Variants in TENM3 observed in about 807,000 individuals in gnomAD.
TENM3 encodes the protein teneurin transmembrane protein 3.
In TENM3, 63 loss-of-function variants were observed where a neutral mutation model predicts 255.1. That is an observed-to-expected ratio of 0.25 (90% CI 0.20 to 0.30). The LOEUF (loss-of-function observed/expected upper bound fraction) is 0.30. Ranked by LOEUF, TENM3 falls within the 10% of genes least tolerant of loss-of-function variation. TENM3 has a pLI of 1.00. For synonymous variants in TENM3, 1,306 were observed against 1,322.3 expected (o/e 0.99, Z 0.27); for missense variants, 2,929 against 3,461.1 (o/e 0.85, Z 3.86).
the TENM3 span, among the ~76,000 whole-genome samples, chr4:181,834,456 C>A: frequency 6.6e-6 from 1 of 152,224 alleles, no homozygotes; most frequent in Non-Finnish European, 1.5e-5. Context: ...GGGAGCTGGG[C>A]TGCAGGAAGG....
intron 3 of TENM3, among the ~76,000 whole-genome samples, chr4:182,485,390 A>G (rs1734598497): frequency 6.6e-6 from 1 of 152,182 alleles, no homozygotes; most frequent in African/African-American, 2.4e-5. Flanking sequence ...ACTCCAAAAC[A>G]AAGGATATTA....
chr4:182,192,804 G>A (rs1240139884), intron 1 of TENM3, among the ~76,000 whole-genome samples: 1 of 152,168 alleles, frequency 6.6e-6, no homozygotes, highest in Non-Finnish European at 1.5e-5. Flanking sequence ...TGTGAGTTAA[G>A]CACAGTTAAG....
chr4:181,690,168 G>T, the TENM3 span, among the ~76,000 whole-genome samples: 1 of 152,148 alleles, frequency 6.6e-6, no homozygotes, highest in South Asian at 2.1e-4. Flanking sequence ...GGACTGATGT[G>T]TCAGTCATTC....
At chr4:182,469,713 C>CA (rs397964405) in intron 3 of TENM3, among the ~76,000 whole-genome samples, 26,309 of 104,654 alleles carry the variant, frequency 0.25, 2,708 homozygotes, top group Middle Eastern at 0.4. Context: ...GACTCTGTCT[C>CA]AAAAAAAAAA....
chr4:181,706,157 G>A, the TENM3 span, among the ~76,000 whole-genome samples: 869 of 152,186 alleles, frequency 5.7e-3, 7 homozygotes, highest in African/African-American at 0.02. Flanking sequence ...AGATGCTGTT[G>A]TCTCCCTGTG....
At chr4:182,741,855 G>A (rs1761631484) in intron 18 of TENM3, among the ~76,000 whole-genome samples, 1 of 152,186 alleles carries the variant, frequency 6.6e-6, no homozygotes. Context: ...CACCTAAAAT[G>A]TGCTGAGTTA....
the TENM3 span, among the ~76,000 whole-genome samples, chr4:181,849,656 T>A: frequency 6.6e-6 from 1 of 152,178 alleles, no homozygotes; most frequent in Non-Finnish European, 1.5e-5. Context: ...GATGGTGTCA[T>A]CCTTCAAGTT....
chr4:182,601,007 T>C lies in TENM3; in HGVS notation c.595T>C (p.Ser199Pro). 1 of 1,536,686 alleles carries C rather than the reference T, an allele frequency of 6.5e-7. No homozygotes were observed. The highest frequency in any genetic ancestry group is 8.8e-7 in the Non-Finnish European group (1 of 1,133,216). The change falls in exon 4 of 28, where the codon TCC (serine) becomes CCC (proline). Residue 199 changes from serine (S) to proline (P), a missense_variant. Transcript: ENST00000511685. ...HKQHSAQHHP[S>P]ITSLNRNSLT... ...GCAGCACTCTGCACAGCATCATCCA[T>C]CCATCACTTCTCTCAACAGAAACTC...
At chr4:182,753,261 T>C (rs992990803) in intron 20 of TENM3, among the ~76,000 whole-genome samples, 189 bp from the exon 21 acceptor site, 2 of 152,204 alleles carry the variant, frequency 1.3e-5, no homozygotes, top group African/African-American at 4.8e-5. Flanking sequence ...TTACTGAATT[T>C]TTAATTTATT....
In TENM3 at chr4:182,325,762, A is replaced by T. The variant is rs573694842; in HGVS notation, c.232+1510A>T. 3.7e-4 allele frequency among the ~76,000 whole-genome samples: 57 copies of T among 152,270 alleles called. No homozygotes were observed. In the East Asian group the frequency reaches 5.8e-3, roughly 16 times the overall value. Reference sequence around the variant, plus strand: ...AAAACGAAAAAAAAATAAAAAAATTAAAAAAACCCAAACTCCACATTGTGG... The same window carrying T: ...AAAACGAAAAAAAAATAAAAAAATTTAAAAAACCCAAACTCCACATTGTGG... On this transcript the variant is annotated intron_variant, in intron 2 of 27. Transcript: ENST00000511685.
At chr4:182,431,497 A>G (rs1416104701) in intron 3 of TENM3, among the ~76,000 whole-genome samples, 1 of 152,094 alleles carries the variant, frequency 6.6e-6, no homozygotes. Context: ...CTCTCAATAC[A>G]AAGAAAAGAA....
the TENM3 span, among the ~76,000 whole-genome samples, chr4:181,662,010 C>T: frequency 6.2e-4 from 94 of 152,114 alleles, no homozygotes; most frequent in Admixed American, 7.2e-4. Flanking sequence ...CAAAATTCTT[C>T]ATGTAGTAAC....
chr4:182,519,348 G>T lies in TENM3; in HGVS notation c.512-81576G>T, dbSNP rs534381356. ...ATGTGTGTGGTTCATTTATATCTCT[G>T]TTGGAAAGAGAAGAATTTGAAAAAC... On this transcript the variant is annotated intron_variant, in intron 3 of 27. Coordinates refer to ENST00000511685, the MANE Select transcript of TENM3 (RefSeq NM_001080477.4). Among the ~76,000 whole-genome samples the T allele has an allele frequency of 1.7e-3, 264 of 152,252 alleles. 2 individuals are homozygous for T. Among genetic ancestry groups the T allele is most frequent in the African/African-American group, 5.3e-3 (222 of 41,548 alleles).
chr4:181,829,029 G>T, the TENM3 span, among the ~76,000 whole-genome samples: 1 of 152,196 alleles, frequency 6.6e-6, no homozygotes, highest in African/African-American at 2.4e-5. Flanking sequence ...TGGACCCGTT[G>T]CACTGCTCTC....
the TENM3 span, among the ~76,000 whole-genome samples, chr4:181,709,144 C>T: frequency 6.6e-6 from 1 of 152,130 alleles, no homozygotes; most frequent in Admixed American, 6.5e-5. Context: ...ATAGAAGACA[C>T]TACATATTAA....
At chr4:181,679,315 TC>T in the TENM3 span, among the ~76,000 whole-genome samples, 9 of 152,178 alleles carry the variant, frequency 5.9e-5, no homozygotes, top group Non-Finnish European at 1.2e-4. Flanking sequence ...CTGCTGTGAT[TC>T]CGGGGGCTGC....
intron 2 of TENM3, among the ~76,000 whole-genome samples, chr4:182,330,780 C>G (rs1307864403): frequency 6.6e-6 from 1 of 152,174 alleles, no homozygotes; most frequent in African/African-American, 2.4e-5. Context: ...AGTTAAATCT[C>G]AAACGATGAT....
chr4:182,785,471 G>A (rs1406077906), intron 24 of TENM3, among the ~76,000 whole-genome samples: 4 of 151,710 alleles, frequency 2.6e-5, no homozygotes, highest in African/African-American at 9.7e-5. Flanking sequence ...ACTTTGGGAG[G>A]CTGAGGCGGG....
chr4:182,041,341 G>T, the TENM3 span, among the ~76,000 whole-genome samples: 1 of 152,026 alleles, frequency 6.6e-6, no homozygotes, highest in African/African-American at 2.4e-5. Flanking sequence ...AGGTGTCAGG[G>T]CTTAGGTAAA....
Sources: allele counts gnomAD v4.1 joint callset (sites outside exome capture counted in the v4.1 genomes callset), GRCh38; gene constraint gnomAD v4.1.1; transcripts MANE v1.5; gene names NCBI Gene and HGNC (gene_info 2026-07-23, HGNC 2026-07-21).